ZNF318: variants seen among roughly 807,000 people sequenced by gnomAD.
ZNF318 encodes endocrine regulator.
Under a neutral mutation model 124.2 loss-of-function variants are expected in ZNF318, and 51 were observed. That is an observed-to-expected ratio of 0.41 (90% CI 0.33 to 0.52). The LOEUF is 0.52. Among genes scored for constraint, ZNF318 ranks in the 20% least tolerant of loss-of-function variants. ZNF318 has a pLI of 0.23. For missense variants in ZNF318, 2,815 were observed against 2,811.2 expected (o/e 1.00, Z -0.03); for synonymous variants, 1,090 against 1,040.7 (o/e 1.05, Z -0.91).
At chr6:43,353,541 AT>A (rs936885318) in intron 4 of ZNF318, among the ~76,000 whole-genome samples, 1 of 151,828 alleles carries the variant, frequency 6.6e-6, no homozygotes, top group Non-Finnish European at 1.5e-5. Context: ...CACCCGGCTA[AT>A]TTTTTGTATT....
intron 5 of ZNF318, among the ~76,000 whole-genome samples, chr6:43,350,904 A>C (rs754233804): frequency 1.3e-5 from 2 of 152,262 alleles, no homozygotes; most frequent in African/African-American, 4.8e-5. Context: ...AAGTCTGAGG[A>C]GTAACTGAAT....
intron 6 of ZNF318, among the ~76,000 whole-genome samples, chr6:43,345,470 C>T (rs1451387136): frequency 6.6e-6 from 1 of 152,010 alleles, no homozygotes; most frequent in East Asian, 1.9e-4. Context: ...GTAACATATC[C>T]GTTAGTTTCA....
chr6:43,368,672 G>A lies in ZNF318; in HGVS notation c.399+295C>T, dbSNP rs1779793048. 5.1e-6 allele frequency: 5 copies of A among 985,472 alleles called. No individual in the cohort carries two copies. In the South Asian group the frequency reaches 2.3e-4, roughly 46 times the overall value. The allele number at this position is 985,472 out of a possible 1,614,324, so 61.0% of individuals were successfully genotyped here. On this transcript the variant is annotated intron_variant, in intron 1 of 9. Coordinates refer to ENST00000361428, the MANE Select transcript of ZNF318 (RefSeq NM_014345.3). ...AAGTACCAAGACACACGGTTTGGAC[G>A]AAATGCCCCTCGCCTTGGCAAACTT...
chr6:43,368,896 T>C (rs762012050), intron 1 of ZNF318, 71 bp downstream of exon 1: 21 of 1,283,124 alleles, frequency 1.6e-5, no homozygotes, highest in Admixed American at 4.0e-5. Flanking sequence ...GCCCCGGGCG[T>C]TTCTGGAAAC....
intron 6 of ZNF318, among the ~76,000 whole-genome samples, chr6:43,347,977 G>C (rs981839421): frequency 6.6e-6 from 1 of 152,130 alleles, no homozygotes; most frequent in African/African-American, 2.4e-5. Flanking sequence ...ACTGACTTTA[G>C]CAACACAGTA....
rs137923934 is a variant in ZNF318, at chr6:43,349,731, G to C, written c.2771-1106C>G. Among the ~76,000 whole-genome samples, 851 of 152,188 alleles carry C rather than the reference G, an allele frequency of 5.6e-3. 9 individuals carry two copies. Among genetic ancestry groups the C allele is most frequent in the African/African-American group, 0.02 (827 of 41,526 alleles). ...TCACTGTGTATGTGAATTCCTAAAAGCATAAAGAAATGGAATAAAAAGGAA... is the reference window on the plus strand; with the variant it reads ...TCACTGTGTATGTGAATTCCTAAAACCATAAAGAAATGGAATAAAAAGGAA... On this transcript the variant is annotated intron_variant, in intron 5 of 9. Coordinates refer to ENST00000361428, the MANE Select transcript of ZNF318 (RefSeq NM_014345.3).
At position 43,357,219 on chromosome 6, in the gene ZNF318, A is replaced by AT; in HGVS notation, c.1094dup (p.Tyr365Ter). Residue 365 changes from tyrosine (Y) to a stop codon, truncating the protein, a stop_gained and frameshift_variant, in exon 3 of 10, where the codon TAT (tyrosine) becomes TAAT (stop). Coordinates refer to ENST00000361428, the MANE Select transcript of ZNF318 (RefSeq NM_014345.3). LOFTEE classifies it high-confidence loss of function. ...SGVLTASEPG[Y>*]SLHRPEEVSV... ...ATACTTCCTCAGGCCGATGCAAAGAATATCCTGGCTCCGATGCTGTTAGGA... is the reference window on the plus strand; with the variant it reads ...ATACTTCCTCAGGCCGATGCAAAGAATTATCCTGGCTCCGATGCTGTTAGGA... 6.2e-7 allele frequency: 1 copy of AT among 1,614,210 alleles called. No individual in the cohort carries two copies. The highest frequency in any genetic ancestry group is 8.5e-7 in the Non-Finnish European group (1 of 1,180,038).
rs1161238666 is a variant in ZNF318 at position 43,336,548 on chromosome 6, G to C, written c.*610C>G. ...TCTCAAGAAAGGCAACAGAGTAAGG[G>C]AAGTACAGGAGTTGACATGCCAATA... is the stretch of plus-strand genomic sequence containing the variant. On this transcript the variant is annotated 3_prime_UTR_variant, in exon 10 of 10. Coordinates refer to ENST00000361428, the MANE Select transcript of ZNF318 (RefSeq NM_014345.3). 6.6e-6 allele frequency: 1 copy of C among 152,220 alleles called. No homozygotes were observed. The highest frequency in any genetic ancestry group is 2.4e-5 in the African/African-American group (1 of 41,452). The allele number at this position is 152,220 out of a possible 1,614,324, so 9.4% of individuals were successfully genotyped here. A position where few individuals can be genotyped will look rare whatever the true frequency, so the allele number is the denominator to read the frequency against.
rs191067719 is a variant in ZNF318 at position 43,348,862 on chromosome 6, G to T, written c.2771-237C>A. On this transcript the variant is annotated intron_variant, in intron 5 of 9. Transcript: ENST00000361428. ...AGCCTCACTAACATGGTGAAACCCC[G>T]TCTCTACTAAAAATACAAAAAATTA... Among the ~76,000 whole-genome samples the T allele has an allele frequency of 2.1e-3, 325 of 152,086 alleles. 3 individuals are homozygous for T. Among genetic ancestry groups the T allele is most frequent in the East Asian group, 4.4e-3 (23 of 5,182 alleles).
chr6:43,356,936 A>C (rs1779615735), intron 3 of ZNF318, among the ~76,000 whole-genome samples, 190 bp downstream of exon 3: 1 of 152,202 alleles, frequency 6.6e-6, no homozygotes, highest in African/African-American at 2.4e-5. Context: ...AATATACAGC[A>C]ATAGAACCCT....
Position 43,342,245 on chromosome 6 carries a change from GC to G in ZNF318, c.3277-35del, listed in dbSNP as rs774829910. 5 of 1,516,080 alleles carry G rather than the reference GC, an allele frequency of 3.3e-6. No individual in the cohort carries two copies. The African/African-American group carries it at 7.0e-5, about 21-fold the overall frequency. The allele number at this position is 1,516,080 out of a possible 1,614,324, so 93.9% of individuals were successfully genotyped here. ...AAGAGGCAGAGGTGCTCACACAACA[GC>G]ACTAAAAGCTCAATGACCCACTTTT... On this transcript the variant is annotated intron_variant, in intron 7 of 9. Transcript: ENST00000361428.
chr6:43,340,393 C>T lies in ZNF318; in HGVS notation c.3605G>A (p.Arg1202His), dbSNP rs769466939. 1.6e-5 allele frequency: 26 copies of T among 1,613,900 alleles called. No homozygotes were observed. The highest frequency in any genetic ancestry group is 8.8e-5 in the South Asian group (8 of 91,080). Reference sequence around the variant, plus strand: ...CTCCTTTGGTTTCTCACTAAGTTTGCGCTTTAGCTCACTCTGCCGTCGCCG... The same window carrying T: ...CTCCTTTGGTTTCTCACTAAGTTTGTGCTTTAGCTCACTCTGCCGTCGCCG... ...TERRRQSELKRKLSEKPKEEK... is the reference protein window; with the variant it reads ...TERRRQSELKHKLSEKPKEEK... The change falls in exon 10 of 10, where the codon CGC becomes CAC. Residue 1202 changes from arginine to histidine, a missense_variant. Around this residue, in one of 4 missense-constraint regions of ZNF318, gnomAD observed 500 missense variants for 605.2 expected, o/e 0.83. Transcript: ENST00000361428.
In ZNF318 at chr6:43,339,803, G is replaced by C. The variant is rs1779345113; in HGVS notation, c.4195C>G (p.Leu1399Val). 3 of 1,614,094 alleles carry C rather than the reference G, an allele frequency of 1.9e-6. No individual in the cohort carries two copies. The highest frequency in any genetic ancestry group is 2.5e-6 in the Non-Finnish European group (3 of 1,180,058). Reference sequence around the variant, plus strand: ...GAGATGATGTCTGGAGGTAAGAGGAGATCAGCTGAAGACTCTTTAACCACT... The same window carrying C: ...GAGATGATGTCTGGAGGTAAGAGGACATCAGCTGAAGACTCTTTAACCACT... ...LPVVKESSAD[L>V]LLPPDIISKA... Residue 1399 changes from leucine (L) to valine (V), a missense_variant, in exon 10 of 10, where the codon CTC becomes GTC. Transcript: ENST00000361428. This position sits in a 1 kb window ranked among gnomAD's most constrained non-coding sequence, Gnocchi z 4.2.
At position 43,357,572 on chromosome 6, in the gene ZNF318, G is replaced by T. The variant is rs767416568; in HGVS notation, c.742C>A (p.Arg248=). The part of the protein sequence containing the change: ...PHISCHDELL[R]GTERNREKLK... ...TTTTCTCGATTCCGTTCTGTTCCCC[G>T]CAACAGCTCATCATGACAACTGATA... Residue 248 remains arginine (R), a synonymous_variant, in exon 3 of 10, where the codon CGG becomes AGG. Coordinates refer to ENST00000361428, the MANE Select transcript of ZNF318 (RefSeq NM_014345.3). 6.2e-7 allele frequency: 1 copy of T among 1,613,936 alleles called. No homozygotes were observed. Among genetic ancestry groups the T allele is most frequent in the Non-Finnish European group, 8.5e-7 (1 of 1,180,022 alleles).
At chr6:43,362,841 C>A (rs1013487968) in intron 2 of ZNF318, among the ~76,000 whole-genome samples, 1 of 152,146 alleles carries the variant, frequency 6.6e-6, no homozygotes, top group Non-Finnish European at 1.5e-5. Flanking sequence ...TGGCCTGTAT[C>A]ATTGGTTGAA....
intron 1 of ZNF318, chr6:43,368,730 T>C: frequency 1.0e-6 from 1 of 985,458 alleles, no homozygotes. Flanking sequence ...AGAAACAGCC[T>C]ATTCCTAAGG....
intron 5 of ZNF318, among the ~76,000 whole-genome samples, 179 bp from the exon 6 acceptor site, chr6:43,348,804 C>A (rs1054361519): frequency 2.0e-5 from 3 of 152,122 alleles, no homozygotes; most frequent in Non-Finnish European, 4.4e-5. Flanking sequence ...GAGACCAAGG[C>A]GGGTGACTAC....
At chr6:43,349,688 CTTG>C (rs1006607861) in intron 5 of ZNF318, among the ~76,000 whole-genome samples, 50 of 152,218 alleles carry the variant, frequency 3.3e-4, no homozygotes, top group African/African-American at 1.1e-3. Flanking sequence ...ATTTAGGAGC[CTTG>C]TTATGTTCTT....
intron 6 of ZNF318, among the ~76,000 whole-genome samples, chr6:43,343,527 T>C (rs1227825405): frequency 6.6e-6 from 1 of 152,124 alleles, no homozygotes; most frequent in Non-Finnish European, 1.5e-5. Flanking sequence ...ATATCACTTT[T>C]AGAATTTAAC....
Sources: gnomAD v4.1 joint callset for allele counts (sites outside exome capture counted in the v4.1 genomes callset) on GRCh38, gnomAD v4.1.1 for gene constraint, gnomAD v4.1.1 regional missense constraint, Gnocchi (gnomAD v3.1) non-coding constraint, MANE v1.5 for transcripts, NCBI Gene and HGNC (gene_info 2026-07-23, HGNC 2026-07-21) for gene names.